ZFHX3: variants seen among roughly 807,000 people sequenced by gnomAD.
ZFHX3 encodes the protein zinc finger homeobox 3.
In ZFHX3, 42 loss-of-function variants were observed where a neutral mutation model predicts 279.1. The ratio of observed to expected loss-of-function variants is 0.15; its 90% CI spans 0.12 to 0.19. ZFHX3 has a LOEUF of 0.19. Ranked by LOEUF, ZFHX3 falls within the 10% of genes least tolerant of loss-of-function variation. The pLI is 1.00. For missense variants in ZFHX3, 4,981 were observed against 4,754.0 expected (o/e 1.05, Z -1.40); for synonymous variants, 2,293 against 1,957.8 (o/e 1.17, Z -4.52).
chr16:73,071,446 T>C (rs2144755744), intron 8 of ZFHX3, among the ~76,000 whole-genome samples: 2 of 151,266 alleles, frequency 1.3e-5, no homozygotes, highest in African/African-American at 4.9e-5. Context: ...AACTCGCTCC[T>C]GGTCTTTTCT....
chr16:72,799,700 G>A (rs1299656528), intron 8 of ZFHX3, among the ~76,000 whole-genome samples: 2 of 152,190 alleles, frequency 1.3e-5, no homozygotes, highest in South Asian at 2.1e-4. Context: ...CAGAAATACA[G>A]TGTTTAATGG....
rs371074418 is a variant in ZFHX3, at chr16:73,562,279, C to A, written c.-1546-106021G>T. 1.6e-4 allele frequency among the ~76,000 whole-genome samples: 24 copies of A among 152,230 alleles called. No individual in the cohort carries two copies. The South Asian group carries it at 4.8e-3, about 30-fold the overall frequency. On this transcript the variant is annotated intron_variant, in intron 2 of 17. Transcript: ENST00000641206. ...TGAAGTTCTGAATTGCAAAGGGCCA[C>A]AGTGGTGTGTCCATCTTAAGAAGTG...
At chr16:73,430,756 T>C (rs987931509) in intron 3 of ZFHX3, among the ~76,000 whole-genome samples, 1 of 152,182 alleles carries the variant, frequency 6.6e-6, no homozygotes, top group African/African-American at 2.4e-5. Context: ...TAGGACAATG[T>C]CTGGCATGAA....
intron 1 of ZFHX3, among the ~76,000 whole-genome samples, chr16:73,032,490 T>C (rs1490799087): frequency 4.6e-5 from 7 of 152,078 alleles, no homozygotes; most frequent in African/African-American, 1.2e-4. Context: ...CTCAACGCCA[T>C]AGTCAGACTT....
At chr16:73,636,313 T>G (rs1413703657) in intron 2 of ZFHX3, among the ~76,000 whole-genome samples, 2 of 152,204 alleles carry the variant, frequency 1.3e-5, no homozygotes, top group Non-Finnish European at 2.9e-5. Flanking sequence ...ATAATATAAC[T>G]GTAATGATGA....
chr16:72,984,075 C>G (rs148680405), intron 1 of ZFHX3, among the ~76,000 whole-genome samples: 1 of 152,224 alleles, frequency 6.6e-6, no homozygotes, highest in Non-Finnish European at 1.5e-5. Context: ...CTTGCCTATA[C>G]CTGCTCACGC....
chr16:73,530,441 T>G (rs775059125), intron 2 of ZFHX3, among the ~76,000 whole-genome samples: 2 of 152,204 alleles, frequency 1.3e-5, no homozygotes, highest in Non-Finnish European at 2.9e-5. Flanking sequence ...CAGAGATGTT[T>G]TCCACGTCTG....
chr16:73,642,614 G>A (rs2052583890), intron 2 of ZFHX3, among the ~76,000 whole-genome samples: 1 of 152,122 alleles, frequency 6.6e-6, no homozygotes, highest in Non-Finnish European at 1.5e-5. Flanking sequence ...CACCACTGGT[G>A]TGTTCCTTTA....
At chr16:73,791,640 G>A (rs1043341552) in intron 1 of ZFHX3, among the ~76,000 whole-genome samples, 1 of 151,004 alleles carries the variant, frequency 6.6e-6, no homozygotes, top group Admixed American at 6.6e-5. Flanking sequence ...GGCCAGGATG[G>A]TCTCGATCTC....
At chr16:72,860,559 G>A (rs1284950036) in intron 4 of ZFHX3, among the ~76,000 whole-genome samples, 1 of 152,042 alleles carries the variant, frequency 6.6e-6, no homozygotes, top group Non-Finnish European at 1.5e-5. Context: ...GCCTCCCGAG[G>A]AGCTGGGACT....
At chr16:73,593,248 G>A (rs2052016869) in intron 2 of ZFHX3, among the ~76,000 whole-genome samples, 1 of 151,914 alleles carries the variant, frequency 6.6e-6, no homozygotes, top group Admixed American at 6.6e-5. Flanking sequence ...ACAGAAAAAA[G>A]GGAACAGTCT....
At chr16:73,601,976 A>G (rs953547218) in intron 2 of ZFHX3, among the ~76,000 whole-genome samples, 11 of 152,158 alleles carry the variant, frequency 7.2e-5, no homozygotes, top group African/African-American at 2.7e-4. Flanking sequence ...TTTCCAATAA[A>G]GAAAATGAGG....
At chr16:73,608,365 C>A (rs765004071) in intron 2 of ZFHX3, among the ~76,000 whole-genome samples, 1 of 152,158 alleles carries the variant, frequency 6.6e-6, no homozygotes, top group Non-Finnish European at 1.5e-5. Context: ...TCACACTTGG[C>A]TTAATATTAC....
chr16:73,666,234 A>G (rs1361049466), intron 2 of ZFHX3, among the ~76,000 whole-genome samples: 1 of 152,006 alleles, frequency 6.6e-6, no homozygotes, highest in Non-Finnish European at 1.5e-5. Flanking sequence ...TCCATGTCCT[A>G]TAAAGCCAGT....
At chr16:73,279,976 G>T (rs542743840) in intron 4 of ZFHX3, among the ~76,000 whole-genome samples, 52 of 152,104 alleles carry the variant, frequency 3.4e-4, no homozygotes, top group Non-Finnish European at 5.7e-4. Flanking sequence ...TGTATAGATG[G>T]TCAACTAAAT....
At chr16:73,487,430 TC>T in intron 2 of ZFHX3, 1 of 430,286 alleles carries the variant, frequency 2.3e-6, no homozygotes. Flanking sequence ...TTTGGCAGAG[TC>T]TCGATCTGTT....
intron 4 of ZFHX3, among the ~76,000 whole-genome samples, chr16:73,314,009 G>A (rs2143174038): frequency 1.3e-5 from 2 of 152,236 alleles, no homozygotes; most frequent in South Asian, 2.1e-4. Context: ...TGAGGTGGGA[G>A]GATGGCTTGA....
chr16:73,647,030 T>C (rs1199657790), intron 2 of ZFHX3, among the ~76,000 whole-genome samples: 1 of 151,044 alleles, frequency 6.6e-6, no homozygotes, highest in Non-Finnish European at 1.5e-5. Flanking sequence ...TTTTCTTTTT[T>C]TTTTTTTGAG....
At chr16:73,776,564 T>G (rs551653420) in intron 1 of ZFHX3, among the ~76,000 whole-genome samples, 12 of 152,110 alleles carry the variant, frequency 7.9e-5, no homozygotes, top group Admixed American at 2.6e-4. Context: ...GCCAGGGACC[T>G]GGGGATGCAA....
Sources: gnomAD v4.1 joint callset for allele counts (sites outside exome capture counted in the v4.1 genomes callset) on GRCh38, gnomAD v4.1.1 for gene constraint, MANE v1.5 for transcripts, NCBI Gene and HGNC (gene_info 2026-07-23, HGNC 2026-07-21) for gene names.